STIM1: variants seen among roughly 807,000 people sequenced by gnomAD.
STIM1 encodes stromal interaction molecule 1.
STIM1 carries 25 observed loss-of-function variants against 74.7 expected under a neutral mutation model. That is an observed-to-expected ratio of 0.33 (90% CI 0.24 to 0.47). The LOEUF is 0.47. STIM1 is among the 20% of genes least tolerant of loss of function. The pLI is 1.00. For missense variants in STIM1, 728 were observed against 920.8 expected (o/e 0.79, Z 2.71); for synonymous variants, 328 against 348.8 (o/e 0.94, Z 0.66).
In STIM1 at chr11:4,092,269, C is replaced by T. The variant is rs1241977194; in HGVS notation, c.*471C>T. The T allele has an allele frequency of 8.8e-6, 2 of 227,810 alleles. No homozygotes were observed. Among genetic ancestry groups the T allele is most frequent in the African/African-American group, 4.5e-5 (2 of 44,880 alleles). 14.1% of individuals were successfully genotyped at this position (227,810 alleles called of 1,614,324 possible). On this transcript the variant is annotated 3_prime_UTR_variant, in exon 13 of 13. Coordinates refer to ENST00000526596, the MANE Select transcript of STIM1 (RefSeq NM_001382567.1). ...CCTCAGATCTGTTCCACCCCACTCA[C>T]AGTGGTTCTGTTTGCTCCAGACTGG...
At chr11:4,020,506 A>G (rs2093945557) in intron 2 of STIM1, among the ~76,000 whole-genome samples, 1 of 152,056 alleles carries the variant, frequency 6.6e-6, no homozygotes, top group South Asian at 2.1e-4. Context: ...CTGGGGTGAG[A>G]TGATATCTCA....
At chr11:3,979,682 C>T (rs2093482518) in intron 2 of STIM1, among the ~76,000 whole-genome samples, 1 of 152,116 alleles carries the variant, frequency 6.6e-6, no homozygotes, top group Non-Finnish European at 1.5e-5. Context: ...TCAAGCAACC[C>T]CTCACCTCAG....
At chr11:3,895,612 TTC>T (rs71047184) in intron 1 of STIM1, among the ~76,000 whole-genome samples, 1 of 32,324 alleles carries the variant, frequency 3.1e-5, no homozygotes, top group Non-Finnish European at 6.1e-5. Context: ...TTCTCTCTCT[TTC>T]TTTCTTTCTT....
At position 4,059,388 on chromosome 11, in the gene STIM1, C is replaced by G; in HGVS notation, c.605C>G (p.Pro202Arg). 6.2e-7 allele frequency: 1 copy of G among 1,613,908 alleles called. No homozygotes were observed. Among genetic ancestry groups the G allele is most frequent in the Non-Finnish European group, 8.5e-7 (1 of 1,179,842 alleles). ...LKALDTVLFGPPLLTRHNHLK... is the reference protein window; with the variant it reads ...LKALDTVLFGRPLLTRHNHLK... ...GCTCTGGATACAGTGCTCTTTGGGC[C>G]TCCTCTCTGTGAGTCTTGTGTTGAG... The change falls in exon 5 of 13, where the codon CCT becomes CGT. Residue 202 changes from proline to arginine, a missense_variant. Transcript: ENST00000526596.
intron 2 of STIM1, among the ~76,000 whole-genome samples, chr11:3,974,444 G>A (rs765735638): frequency 2.6e-5 from 4 of 151,330 alleles, no homozygotes; most frequent in African/African-American, 9.7e-5. Context: ...GGGAGGCTGA[G>A]GCAGGAGGAT....
chr11:4,052,139 C>T (rs1019486962), intron 3 of STIM1, among the ~76,000 whole-genome samples: 2 of 152,190 alleles, frequency 1.3e-5, no homozygotes, highest in African/African-American at 4.8e-5. Flanking sequence ...ATTCCATGCT[C>T]ATGGATAGGA....
At chr11:4,068,640 A>G (rs2094384030) in intron 5 of STIM1, among the ~76,000 whole-genome samples, 2 of 152,174 alleles carry the variant, frequency 1.3e-5, no homozygotes, top group East Asian at 1.9e-4. Context: ...AGGACCCTCA[A>G]TTTTCTTTCA....
chr11:3,871,083 G>C (rs993216585), intron 1 of STIM1, among the ~76,000 whole-genome samples: 4 of 151,830 alleles, frequency 2.6e-5, no homozygotes, highest in African/African-American at 9.7e-5. Flanking sequence ...ATGTTAGCTA[G>C]GATGGTATCT....
chr11:3,867,236 C>T (rs1214651916), intron 1 of STIM1: 1 of 152,190 alleles, frequency 6.6e-6, no homozygotes, highest in Non-Finnish European at 1.5e-5. Context: ...AAGCTGTGCT[C>T]AGTGACAGTT....
intron 1 of STIM1, among the ~76,000 whole-genome samples, chr11:3,857,899 T>C (rs1171434872): frequency 1.3e-5 from 2 of 152,206 alleles, no homozygotes; most frequent in Non-Finnish European, 2.9e-5. Context: ...ACCTGGCTGT[T>C]GCTTTCTAGA....
chr11:4,074,627 G>C lies in STIM1; in HGVS notation c.917G>C (p.Gly306Ala), dbSNP rs1182345081. 1 of 1,604,130 alleles carries C rather than the reference G, an allele frequency of 6.2e-7. No homozygotes were observed. Among genetic ancestry groups the C allele is most frequent in the East Asian group, 2.2e-5 (1 of 44,474 alleles). The change falls in exon 7 of 13, where the codon GGT becomes GCT. Residue 306 changes from glycine (G) to alanine (A), a missense_variant. Around this residue, in one of 5 missense-constraint regions of STIM1, gnomAD observed 131 missense variants for 235.9 expected, o/e 0.56. Coordinates refer to ENST00000526596, the MANE Select transcript of STIM1 (RefSeq NM_001382567.1). ...EAQRLKELRE[G>A]TENERSRQKY... ...CAGCGGCTGAAGGAGCTGCGGGAGG[G>C]TACTGAGAATGAGCGGAGCCGCCAA...
chr11:3,935,761 G>C (rs1298775116), intron 1 of STIM1, among the ~76,000 whole-genome samples: 1 of 152,230 alleles, frequency 6.6e-6, no homozygotes, highest in Non-Finnish European at 1.5e-5. Flanking sequence ...TTAAATGTCT[G>C]TGAAAATACC....
intron 2 of STIM1, among the ~76,000 whole-genome samples, chr11:3,999,352 T>G (rs145281389): frequency 5.6e-4 from 86 of 152,264 alleles, no homozygotes; most frequent in African/African-American, 2.0e-3. Context: ...AACAGCAAAC[T>G]GGATTTGGCT....
At chr11:4,088,735 T>A (rs1242717502) in intron 12 of STIM1, 1 of 1,535,790 alleles carries the variant, frequency 6.5e-7, no homozygotes, top group Admixed American at 2.0e-5. Flanking sequence ...GGCTCTCTAG[T>A]AAGGTCAGTA....
At chr11:4,049,609 G>T (rs1023094272) in intron 3 of STIM1, 2 of 152,076 alleles carry the variant, frequency 1.3e-5, no homozygotes, top group African/African-American at 2.4e-5. Context: ...GATTATAGGC[G>T]TGAGTCACTG....
chr11:3,889,843 A>G (rs1275925673), intron 1 of STIM1, among the ~76,000 whole-genome samples: 1 of 152,128 alleles, frequency 6.6e-6, no homozygotes, highest in Admixed American at 6.6e-5. Context: ...AAATATAGAT[A>G]AGGATAATAT....
intron 1 of STIM1, among the ~76,000 whole-genome samples, chr11:3,891,456 C>T (rs1318117836): frequency 6.6e-6 from 1 of 151,922 alleles, no homozygotes; most frequent in Admixed American, 6.6e-5. Flanking sequence ...CCATATCCGG[C>T]TAATTTTTAG....
At chr11:3,866,862 A>C (rs1266229567) in intron 1 of STIM1, among the ~76,000 whole-genome samples, 4 of 152,140 alleles carry the variant, frequency 2.6e-5, no homozygotes, top group African/African-American at 4.8e-5. Context: ...GTAAAAAAGA[A>C]ATTAAAACTG....
chr11:3,932,311 T>A (rs1246346707), intron 1 of STIM1, among the ~76,000 whole-genome samples: 2 of 152,082 alleles, frequency 1.3e-5, no homozygotes, highest in Non-Finnish European at 2.9e-5. Context: ...GGGCCTTTGG[T>A]GGGTGATTAG....
Sources: gnomAD v4.1 joint callset for allele counts (sites outside exome capture counted in the v4.1 genomes callset) on GRCh38, gnomAD v4.1.1 for gene constraint, gnomAD v4.1.1 regional missense constraint, MANE v1.5 for transcripts, NCBI Gene and HGNC (gene_info 2026-07-23, HGNC 2026-07-21) for gene names.